Variants in AFF3 observed in about 807,000 individuals in gnomAD.
AFF3 encodes the protein AF4/FMR2 family member 3.
In AFF3, 32 loss-of-function variants were observed where a neutral mutation model predicts 129.7. The ratio of observed to expected loss-of-function variants is 0.25; its 90% CI spans 0.19 to 0.33. AFF3 has a LOEUF of 0.33. Ranked by LOEUF, AFF3 falls within the 10% of genes least tolerant of loss-of-function variation. The probability of loss-of-function intolerance (pLI) is 1.00; values close to 1 mark genes in which losing one functional copy is unlikely to be tolerated. For missense variants in AFF3, 1,373 were observed against 1,592.0 expected, an observed-to-expected ratio of 0.86 and a Z score of 2.34; for synonymous variants, 644 against 635.4, an observed-to-expected ratio of 1.01 and a Z score of -0.20.
intron 11 of AFF3, chr2:99,707,087 A>G (rs892535979): frequency 2.0e-6 from 2 of 985,058 alleles, no homozygotes; most frequent in Non-Finnish European, 2.4e-6. Context: ...ATAATAGTAC[A>G]ATGAAAATAT....
chr2:99,746,945 G>T (rs1292524346), intron 9 of AFF3, among the ~76,000 whole-genome samples: 2 of 146,382 alleles, frequency 1.4e-5, no homozygotes, highest in Admixed American at 6.8e-5. Context: ...CCAGCATTAA[G>T]CTTATTTAAA....
At chr2:99,743,976 T>C in intron 10 of AFF3, 128 bp downstream of exon 10, 1 of 742,870 alleles carries the variant, frequency 1.3e-6, no homozygotes, top group Non-Finnish European at 2.1e-6. Flanking sequence ...AAATGGCCCC[T>C]TTCCCCAGTT....
At chr2:99,683,744 A>T (rs1258641045) in intron 11 of AFF3, among the ~76,000 whole-genome samples, 1 of 152,194 alleles carries the variant, frequency 6.6e-6, no homozygotes, top group Non-Finnish European at 1.5e-5. Context: ...AACAGAGAAG[A>T]TAAACTTCTT....
chr2:99,748,844 T>C (rs1228596121), intron 9 of AFF3, among the ~76,000 whole-genome samples: 1 of 152,240 alleles, frequency 6.6e-6, no homozygotes, highest in African/African-American at 2.4e-5. Flanking sequence ...GACCCAAGGA[T>C]GGCTCTGTAA....
chr2:99,925,229 GTTTTA>G (rs988081266), intron 7 of AFF3, among the ~76,000 whole-genome samples: 10 of 152,028 alleles, frequency 6.6e-5, no homozygotes, highest in Admixed American at 3.9e-4. Flanking sequence ...AATGACTACG[GTTTTA>G]TTTTATTATT....
intron 7 of AFF3, among the ~76,000 whole-genome samples, chr2:99,904,774 T>C (rs769198559): frequency 1.3e-5 from 2 of 152,144 alleles, no homozygotes; most frequent in Admixed American, 6.5e-5. Context: ...CGAATGAGAA[T>C]GGCCCGTTCC....
rs1200844279 is a variant in AFF3, at chr2:99,953,457, G to A, written c.873+53175C>T. On this transcript the variant is annotated intron_variant, in intron 7 of 24. Coordinates refer to ENST00000672756, the MANE Select transcript of AFF3 (RefSeq NM_001386135.1). ...TTGTTTTTAAAAGAAGACCATAAACGTAACTTGAAAATACCTAGAAGAAGA... is the reference window on the plus strand; with the variant it reads ...TTGTTTTTAAAAGAAGACCATAAACATAACTTGAAAATACCTAGAAGAAGA... Among the ~76,000 whole-genome samples the A allele has an allele frequency of 7.2e-5, 11 of 152,128 alleles. No individual in the cohort carries two copies. In the East Asian group the frequency reaches 1.3e-3, roughly 19 times the overall value.
intron 8 of AFF3, among the ~76,000 whole-genome samples, chr2:99,795,264 G>A (rs1042108018): frequency 3.3e-5 from 5 of 152,110 alleles, no homozygotes; most frequent in Non-Finnish European, 5.9e-5. Context: ...TGCACTGGAG[G>A]CCATTATCTT....
Position 99,707,608 on chromosome 2 carries a change from T to C in AFF3, c.1091+19469A>G, listed in dbSNP as rs573623339. ...CAATTAATAAACAAGTTGTGGTATT[T>C]TAACAAAGTTCCAAAGCTAAGAATC... On this transcript the variant is annotated intron_variant, in intron 11 of 24. Transcript: ENST00000672756. The C allele has an allele frequency of 3.0e-6, 3 of 985,346 alleles. 1 individual carries two copies. In the South Asian group the frequency reaches 1.4e-4, roughly 46 times the overall value. The allele number at this position is 985,346 out of a possible 1,614,324, so 61.0% of individuals were successfully genotyped here.
At chr2:99,927,813 C>T (rs1047332063) in intron 7 of AFF3, among the ~76,000 whole-genome samples, 5 of 152,278 alleles carry the variant, frequency 3.3e-5, no homozygotes, top group South Asian at 2.1e-4. Context: ...CCCCAGAGCA[C>T]GTGGGAGACT....
chr2:100,014,779 C>G (rs1682847331), intron 4 of AFF3, among the ~76,000 whole-genome samples: 1 of 125,036 alleles, frequency 8.0e-6, no homozygotes. Flanking sequence ...TACCACCTTG[C>G]TTCCTTTTTT....
intron 8 of AFF3, among the ~76,000 whole-genome samples, chr2:99,821,258 C>A (rs1687655566): frequency 6.6e-6 from 1 of 152,190 alleles, no homozygotes; most frequent in South Asian, 2.1e-4. Context: ...ATGCCATCTT[C>A]TGGAACACCT....
chr2:99,901,225 C>A (rs1694321605), intron 7 of AFF3, among the ~76,000 whole-genome samples: 1 of 152,180 alleles, frequency 6.6e-6, no homozygotes, highest in Admixed American at 6.5e-5. Context: ...GTGCTGGGAT[C>A]CCTGAAGATA....
rs1163043032 is a variant in AFF3 at position 99,876,666 on chromosome 2, C to A, written c.874-39142G>T. Among the ~76,000 whole-genome samples, 4 of 152,042 alleles carry A rather than the reference C, an allele frequency of 2.6e-5. No individual in the cohort carries two copies. In the South Asian group the frequency reaches 8.3e-4, roughly 32 times the overall value. The stretch of plus-strand genomic sequence containing the variant: ...AGATTCTCCAACGGCTTTCCATGGC[C>A]AGTAGAATAAAAACAAAAATTCTTA... On this transcript the variant is annotated intron_variant, in intron 7 of 24. Transcript: ENST00000672756.
At chr2:99,969,028 G>T (rs1430253571) in intron 7 of AFF3, among the ~76,000 whole-genome samples, 1 of 152,168 alleles carries the variant, frequency 6.6e-6, no homozygotes, top group Admixed American at 6.5e-5. Flanking sequence ...GAGTCGGGCG[G>T]AACAAACTGA....
Position 99,604,411 on chromosome 2 carries a change from G to A in AFF3, c.1185-2790C>T, listed in dbSNP as rs759247004. Among the ~76,000 whole-genome samples, 63 of 152,182 alleles carry A rather than the reference G, an allele frequency of 4.1e-4. 2 individuals carry two copies. Among genetic ancestry groups the A allele is most frequent in the South Asian group, 2.1e-4 (1 of 4,824 alleles). On this transcript the variant is annotated intron_variant, in intron 13 of 24. Transcript: ENST00000672756. Reference sequence around the variant, plus strand: ...GCCACGTGTTCTCACTTATAAGTGGGAGCTAAATGATGAGAACACATGGAC... The same window carrying A: ...GCCACGTGTTCTCACTTATAAGTGGAAGCTAAATGATGAGAACACATGGAC...
intron 4 of AFF3, among the ~76,000 whole-genome samples, chr2:100,037,787 A>G (rs916402855): frequency 7.4e-6 from 1 of 135,154 alleles, no homozygotes; most frequent in Non-Finnish European, 1.5e-5. Context: ...ATTTTTATAT[A>G]TTATATAAAA....
intron 15 of AFF3, among the ~76,000 whole-genome samples, chr2:99,589,239 C>T (rs1419324187): frequency 6.6e-6 from 1 of 152,060 alleles, no homozygotes; most frequent in Non-Finnish European, 1.5e-5. Flanking sequence ...CTACACTCAA[C>T]AAAGACTGAG....
At chr2:99,791,466 A>G (rs989735243) in intron 8 of AFF3, among the ~76,000 whole-genome samples, 1 of 152,238 alleles carries the variant, frequency 6.6e-6, no homozygotes, top group African/African-American at 2.4e-5. Flanking sequence ...GTGCCTGTTC[A>G]GTACGGATGC....
Sources: allele counts gnomAD v4.1 joint callset (sites outside exome capture counted in the v4.1 genomes callset), GRCh38; gene constraint gnomAD v4.1.1; transcripts MANE v1.5; gene names NCBI Gene and HGNC (gene_info 2026-07-23, HGNC 2026-07-21).